ANK3: variants seen among roughly 807,000 people sequenced by gnomAD.
ANK3 encodes the protein ankyrin-3.
ANK3 carries 57 observed loss-of-function variants against 370.9 expected under a neutral mutation model. The observed-to-expected ratio is 0.15, with a 90% confidence interval of 0.12 to 0.19. The LOEUF (loss-of-function observed/expected upper bound fraction) is 0.19. Ranked by LOEUF, ANK3 falls within the 10% of genes least tolerant of loss-of-function variation. The probability of loss-of-function intolerance (pLI) is 1.00; values close to 1 mark genes in which losing one functional copy is unlikely to be tolerated. For missense variants in ANK3, 4,439 were observed against 5,302.1 expected, an observed-to-expected ratio of 0.84 and a Z score of 5.06; for synonymous variants, 1,929 against 1,946.3, an observed-to-expected ratio of 0.99 and a Z score of 0.23.
At chr10:60,563,700 G>A (rs565535636) in intron 2 of ANK3, among the ~76,000 whole-genome samples, 37 of 152,140 alleles carry the variant, frequency 2.4e-4, no homozygotes, top group African/African-American at 7.0e-4. Flanking sequence ...TTTTCATTTT[G>A]GATTTTGAAA....
At chr10:60,262,548 T>C (rs1265088737) in intron 6 of ANK3, among the ~76,000 whole-genome samples, 2 of 152,204 alleles carry the variant, frequency 1.3e-5, no homozygotes, top group East Asian at 1.9e-4. Context: ...AAGGTCATTT[T>C]ACTTCCTTAA....
At chr10:60,290,863 A>G (rs905933122) in intron 1 of ANK3, among the ~76,000 whole-genome samples, 5 of 152,202 alleles carry the variant, frequency 3.3e-5, no homozygotes, top group Admixed American at 6.5e-5. Flanking sequence ...AGTTAAAAAA[A>G]ATACAGTGCT....
At chr10:60,243,004 A>G (rs944333458) in intron 7 of ANK3, among the ~76,000 whole-genome samples, 4 of 152,130 alleles carry the variant, frequency 2.6e-5, no homozygotes, top group Admixed American at 2.6e-4. Flanking sequence ...TTTGTAGTGT[A>G]CTAATATATA....
At chr10:60,336,901 G>C (rs555369759) in intron 1 of ANK3, among the ~76,000 whole-genome samples, 1 of 152,058 alleles carries the variant, frequency 6.6e-6, no homozygotes, top group Non-Finnish European at 1.5e-5. Flanking sequence ...TTCTCTTTGC[G>C]GTCCAGCAGA....
chr10:60,264,090 G>A, intron 5 of ANK3, 70 bp from the exon 6 acceptor site: 1 of 1,348,180 alleles, frequency 7.4e-7, no homozygotes, highest in East Asian at 2.5e-5. Flanking sequence ...TAACAAATAA[G>A]AAGGCAACCA....
intron 1 of ANK3, among the ~76,000 whole-genome samples, chr10:60,688,830 C>T (rs1338096794): frequency 2.0e-5 from 3 of 151,982 alleles, no homozygotes; most frequent in Non-Finnish European, 4.4e-5. Flanking sequence ...CACCTGTAGT[C>T]CCAGATACTC....
At position 60,612,046 on chromosome 10, in the gene ANK3, A is replaced by AATC. The variant is rs1363182424; in HGVS notation, c.96+3137_96+3139dup. ...TGAAGTGTACACTGTCTCATTACCT[A>AATC]ATCCCAGGAGGATTTTAATATTTTA... On this transcript the variant is annotated intron_variant, in intron 2 of 43. Transcript: ENST00000373827. Among the ~76,000 whole-genome samples the AATC allele has an allele frequency of 2.0e-5, 3 of 152,094 alleles. 1 individual carries two copies. The highest frequency in any genetic ancestry group is 4.4e-5 in the Non-Finnish European group (3 of 68,026).
Position 60,069,352 on chromosome 10 carries a change from C to T in ANK3, c.11529G>A (p.Lys3843=). Residue 3843 remains lysine (K), a synonymous_variant, in exon 37 of 44, where the codon AAG becomes AAA. Coordinates refer to ENST00000280772, the MANE Select transcript of ANK3 (RefSeq NM_020987.5). ...TTTGCTGTTCTCCAAGAACTTTCTG[C>T]TTATCTCTTACACAGTGTCCTTGTA... is the stretch of plus-strand genomic sequence containing the variant. ...GVLQGHCVRD[K]QKVLGEQQKT... 1 of 1,613,954 alleles carries T rather than the reference C, an allele frequency of 6.2e-7. No homozygotes were observed. The highest frequency in any genetic ancestry group is 2.2e-5 in the East Asian group (1 of 44,858).
chr10:60,098,074 T>G (rs540928415), intron 28 of ANK3, among the ~76,000 whole-genome samples: 1 of 152,272 alleles, frequency 6.6e-6, no homozygotes, highest in South Asian at 2.1e-4. Context: ...TCAGGCAAGT[T>G]CCTGAACTTC....
At chr10:60,293,930 T>C (rs1201143962) in intron 1 of ANK3, among the ~76,000 whole-genome samples, 1 of 152,214 alleles carries the variant, frequency 6.6e-6, no homozygotes, top group Admixed American at 6.5e-5. Context: ...ATGACAACTG[T>C]TTGCGATTTT....
At chr10:60,076,766 G>C (rs2083935113) in intron 36 of ANK3, among the ~76,000 whole-genome samples, 1 of 152,196 alleles carries the variant, frequency 6.6e-6, no homozygotes, top group Non-Finnish European at 1.5e-5. Flanking sequence ...AATTAATGAT[G>C]AGAAAAATAA....
At position 60,469,659 on chromosome 10, in the gene ANK3, G is replaced by GTATATA. The variant is rs1162173625; in HGVS notation, c.96+145521_96+145526dup. Among the ~76,000 whole-genome samples the GTATATA allele has an allele frequency of 5.2e-4, 2 of 3,830 alleles. 1 individual carries two copies. The highest frequency in any genetic ancestry group is 1.8e-3 in the African/African-American group (2 of 1,122). The allele number at this position is 3,830 out of a possible 152,430, so 2.5% of individuals were successfully genotyped here. On this transcript the variant is annotated intron_variant, in intron 2 of 43. Transcript: ENST00000373827. ...TATATATATATATATATATATGGTG[G>GTATATA]TATATATATATATATATATATGGTG...
chr10:60,478,386 A>C (rs1442435530), intron 2 of ANK3, among the ~76,000 whole-genome samples: 1 of 152,150 alleles, frequency 6.6e-6, no homozygotes, highest in Non-Finnish European at 1.5e-5. Flanking sequence ...AGATGATTTT[A>C]ATACAATAGT....
At chr10:60,608,715 T>C (rs1459971940) in intron 2 of ANK3, among the ~76,000 whole-genome samples, 1 of 152,202 alleles carries the variant, frequency 6.6e-6, no homozygotes, top group Non-Finnish European at 1.5e-5. Flanking sequence ...TGTTTAGTGA[T>C]AGTACACAGG....
chr10:60,049,625 TTTATGAAACC>T (rs2077557445), intron 42 of ANK3, among the ~76,000 whole-genome samples: 1 of 152,174 alleles, frequency 6.6e-6, no homozygotes, highest in Non-Finnish European at 1.5e-5. Flanking sequence ...CTCCCCTGTT[TTTATGAAACC>T]TACAACATTA....
At chr10:60,437,001 A>C (rs1166261403) in intron 2 of ANK3, among the ~76,000 whole-genome samples, 2 of 152,210 alleles carry the variant, frequency 1.3e-5, no homozygotes, top group Admixed American at 6.5e-5. Context: ...GTCAGAACGC[A>C]CAGGACCCCA....
At chr10:60,486,974 T>A (rs2075365683) in intron 2 of ANK3, among the ~76,000 whole-genome samples, 1 of 152,226 alleles carries the variant, frequency 6.6e-6, no homozygotes, top group Admixed American at 6.5e-5. Context: ...CCACGCTATT[T>A]ATGCACAATG....
chr10:60,200,352 G>A, intron 12 of ANK3, 125 bp from the exon 13 acceptor site: 1 of 734,418 alleles, frequency 1.4e-6, no homozygotes, highest in South Asian at 1.5e-5. Flanking sequence ...CTTCCTTATT[G>A]AAAAGATAGG....
chr10:60,484,398 G>T (rs2075299185), intron 2 of ANK3, among the ~76,000 whole-genome samples: 1 of 152,064 alleles, frequency 6.6e-6, no homozygotes, highest in Non-Finnish European at 1.5e-5. Flanking sequence ...TGATATCAAA[G>T]GATTATTTTT....
Sources: allele counts gnomAD v4.1 joint callset (sites outside exome capture counted in the v4.1 genomes callset), GRCh38; gene constraint gnomAD v4.1.1; transcripts MANE v1.5; gene names NCBI Gene and HGNC (gene_info 2026-07-23, HGNC 2026-07-21).